IL1RL1: variants seen among roughly 807,000 people sequenced by gnomAD.
The protein encoded by IL1RL1 is interleukin 1 receptor like 1.
Under a neutral mutation model 50.9 loss-of-function variants are expected in IL1RL1, and 32 were observed. The ratio of observed to expected loss-of-function variants is 0.63; its 90% CI spans 0.47 to 0.84. The LOEUF is 0.84. Among genes scored for constraint, IL1RL1 ranks in the 40% least tolerant of loss-of-function variants. The pLI is 0.00. For synonymous variants in IL1RL1, 275 were observed against 236.0 expected (o/e 1.17, Z -1.51); for missense variants, 773 against 662.9 (o/e 1.17, Z -1.82).
chr2:102,342,939 A>G, intron 6 of IL1RL1, 97 bp from the exon 7 acceptor site: 1 of 1,212,778 alleles, frequency 8.2e-7, no homozygotes, highest in Non-Finnish European at 1.2e-6. Flanking sequence ...TGGGGTGCAT[A>G]CTAAGTGTTC....
Position 102,340,094 on chromosome 2 carries a change from A to G in IL1RL1, c.273-4A>G. 6.8e-7 allele frequency: 1 copy of G among 1,479,452 alleles called. No individual in the cohort carries two copies. The highest frequency in any genetic ancestry group is 9.0e-7 in the Non-Finnish European group (1 of 1,108,754). The allele number at this position is 1,479,452 out of a possible 1,614,324, so 91.6% of individuals were successfully genotyped here. ...TCTTTTAATTGTCTGACTTATTTTA[A>G]CAGTCCCACATTCAATAGGACTGGA... On this transcript the variant is annotated splice_region_variant and splice_polypyrimidine_tract_variant and intron_variant, in intron 3 of 10. Transcript: ENST00000233954.
At position 102,340,191 on chromosome 2, in the gene IL1RL1, A is replaced by T. The variant is rs1677492848; in HGVS notation, c.366A>T (p.Val122=). 9 of 1,605,076 alleles carry T rather than the reference A, an allele frequency of 5.6e-6. No homozygotes were observed. The highest frequency in any genetic ancestry group is 7.6e-6 in the Non-Finnish European group (9 of 1,176,718). ...CAGATTATTTGATGTATTCAACAGT[A>T]TCTGGATCAGAAAAAAATTCCAAAA... ...NVPDYLMYST[V]SGSEKNSKIY... is the part of the protein sequence containing the mutation. The change falls in exon 4 of 11, where the codon GTA becomes GTT. Residue 122 remains valine, a synonymous_variant. Transcript: ENST00000233954.
intron 1 of IL1RL1, among the ~76,000 whole-genome samples, chr2:102,325,864 A>T (rs934313657): frequency 1.3e-5 from 2 of 152,218 alleles, no homozygotes; most frequent in Non-Finnish European, 2.9e-5. Context: ...AAAAGACCAA[A>T]TCTACATCTG....
At chr2:102,345,775 G>T in intron 8 of IL1RL1, 1 of 985,428 alleles carries the variant, frequency 1.0e-6, no homozygotes. Context: ...GTCTGCCAGT[G>T]ATAAGTGTGG....
At chr2:102,342,109 C>T in intron 5 of IL1RL1, 114 bp from the exon 6 acceptor site, 1 of 610,610 alleles carries the variant, frequency 1.6e-6, no homozygotes, top group Admixed American at 2.8e-5. Flanking sequence ...GGGTTATTGT[C>T]AGAAGAACTT....
chr2:102,335,495 G>A (rs1677295695), intron 1 of IL1RL1, among the ~76,000 whole-genome samples: 1 of 152,224 alleles, frequency 6.6e-6, no homozygotes, highest in Non-Finnish European at 1.5e-5. Context: ...GTTTTTATTT[G>A]TAACTATAAA....
At chr2:102,322,170 C>G (rs1170895302) in intron 1 of IL1RL1, among the ~76,000 whole-genome samples, 1 of 152,144 alleles carries the variant, frequency 6.6e-6, no homozygotes, top group Non-Finnish European at 1.5e-5. Context: ...CATAAGGCAG[C>G]CAGTCGGAAT....
chr2:102,343,455 T>C, intron 8 of IL1RL1, 40 bp downstream of exon 8: 1 of 1,614,124 alleles, frequency 6.2e-7, no homozygotes, highest in Non-Finnish European at 8.5e-7. Context: ...CTGAACTTTC[T>C]CTAGCAAGTG....
At chr2:102,317,895 C>T (rs1171314587) in intron 1 of IL1RL1, among the ~76,000 whole-genome samples, 3 of 151,982 alleles carry the variant, frequency 2.0e-5, no homozygotes, top group Non-Finnish European at 2.9e-5. Context: ...CACACAGACA[C>T]CTGGAGGAAG....
intron 1 of IL1RL1, among the ~76,000 whole-genome samples, chr2:102,331,066 T>C (rs564209760): frequency 6.6e-6 from 1 of 152,250 alleles, no homozygotes; most frequent in African/African-American, 2.4e-5. Flanking sequence ...TTTTTGAGTC[T>C]ACTTCTGGAC....
chr2:102,347,377 C>T (rs998670822), intron 8 of IL1RL1, among the ~76,000 whole-genome samples: 6 of 152,174 alleles, frequency 3.9e-5, no homozygotes, highest in Non-Finnish European at 7.3e-5. Context: ...CTCCTGTGAC[C>T]TTCAGAATAA....
intron 1 of IL1RL1, among the ~76,000 whole-genome samples, chr2:102,323,501 T>C (rs189871526): frequency 2.6e-5 from 4 of 152,194 alleles, no homozygotes; most frequent in East Asian, 1.9e-4. Flanking sequence ...GGCAACTGCA[T>C]CTGGTGAGGG....
At chr2:102,341,242 A>G in intron 5 of IL1RL1, 1 of 1,235,484 alleles carries the variant, frequency 8.1e-7, no homozygotes. Flanking sequence ...AGTAATACTC[A>G]TTGGATTCAA....
intron 1 of IL1RL1, among the ~76,000 whole-genome samples, chr2:102,333,509 G>C (rs1677228857): frequency 6.6e-6 from 1 of 152,214 alleles, no homozygotes; most frequent in Admixed American, 6.5e-5. Context: ...AAGGAGGCTG[G>C]AGGAGATCAG....
intron 1 of IL1RL1, among the ~76,000 whole-genome samples, chr2:102,337,597 G>T (rs1392069689): frequency 6.6e-6 from 1 of 152,102 alleles, no homozygotes; most frequent in Non-Finnish European, 1.5e-5. Flanking sequence ...AAAGTTTGAG[G>T]GTTTGGGGTT....
chr2:102,338,410 T>C, intron 2 of IL1RL1, 85 bp downstream of exon 2: 1 of 680,608 alleles, frequency 1.5e-6, no homozygotes, highest in South Asian at 2.3e-5. Flanking sequence ...GCAGTTTGCT[T>C]CCAGTTGTTC....
chr2:102,340,316 A>G (rs1182931186), intron 4 of IL1RL1, 44 bp downstream of exon 4: 1 of 1,504,770 alleles, frequency 6.6e-7, no homozygotes. Flanking sequence ...TTACACAATT[A>G]AAATAGACAC....
intron 9 of IL1RL1, among the ~76,000 whole-genome samples, chr2:102,348,479 C>T (rs145077650): frequency 6.5e-4 from 99 of 152,254 alleles, no homozygotes; most frequent in African/African-American, 2.1e-3. Context: ...AAAGGTCCAT[C>T]GGAATGCATG....
rs1186876820 is a variant in IL1RL1, at chr2:102,342,260, C to T, written c.648C>T (p.Ala216=). The change falls in exon 6 of 11, where the codon GCC becomes GCT. Residue 216 remains alanine, a synonymous_variant. Transcript: ENST00000233954. The stretch of plus-strand genomic sequence containing the variant: ...TTTCTCTGTTTCCAGTAATCGGAGC[C>T]CCTGCACAAAATGAAATAAAGGAAG... ...QGFSLFPVIG[A]PAQNEIKEVE... is the part of the protein sequence containing the mutation. The T allele has an allele frequency of 1.2e-6, 2 of 1,611,732 alleles. No homozygotes were observed. The highest frequency in any genetic ancestry group is 8.5e-7 in the Non-Finnish European group (1 of 1,178,222).
Sources: gnomAD v4.1 joint callset for allele counts (sites outside exome capture counted in the v4.1 genomes callset) on GRCh38, gnomAD v4.1.1 for gene constraint, MANE v1.5 for transcripts, NCBI Gene and HGNC (gene_info 2026-07-23, HGNC 2026-07-21) for gene names.